The following INPP5F variants were observed in gnomAD, a reference collection of about 807,000 sequenced individuals.
The protein encoded by INPP5F is inositol polyphosphate-5-phosphatase F.
In INPP5F, 97 loss-of-function variants were observed where a neutral mutation model predicts 137.2. The ratio of observed to expected loss-of-function variants is 0.71; its 90% CI spans 0.60 to 0.84. The LOEUF (loss-of-function observed/expected upper bound fraction) is 0.84. INPP5F is among the 40% of genes least tolerant of loss of function. The probability of loss-of-function intolerance (pLI) is 0.00; values close to 1 mark genes in which losing one functional copy is unlikely to be tolerated. For missense variants in INPP5F, 1,271 were observed against 1,371.9 expected (o/e 0.93, Z 1.16); for synonymous variants, 504 against 476.9 (o/e 1.06, Z -0.74).
At position 119,792,205 on chromosome 10, in the gene INPP5F, G is replaced by A. The variant is rs1850172014; in HGVS notation, c.661G>A (p.Glu221Lys). ...TAAATACATGATACAAGATCTTACT[G>A]AGATTGGTGTGAGTAGTTGTTTCTA... ...WNKYMIQDLTEIGTPDVDFWI... is the reference protein window; with the variant it reads ...WNKYMIQDLTKIGTPDVDFWI... The change falls in exon 6 of 20, where the codon GAG (glutamate) becomes AAG (lysine). Residue 221 changes from glutamate (E) to lysine (K), a missense_variant. Physicochemically the swap from Glu to Lys is moderately conservative, Grantham distance 56 (BLOSUM62 1). Coordinates refer to ENST00000650623, the MANE Select transcript of INPP5F (RefSeq NM_014937.4). The A allele has an allele frequency of 6.2e-7, 1 of 1,611,714 alleles. No homozygotes were observed. Among genetic ancestry groups the A allele is most frequent in the Non-Finnish European group, 8.5e-7 (1 of 1,177,864 alleles).
chr10:119,806,950 T>C (rs1257184722), intron 12 of INPP5F, among the ~76,000 whole-genome samples: 3 of 151,970 alleles, frequency 2.0e-5, no homozygotes, highest in Non-Finnish European at 4.4e-5. Context: ...GTGCCTCCTA[T>C]TGGCAGATCC....
chr10:119,745,667 T>G (rs1348703636), intron 1 of INPP5F, among the ~76,000 whole-genome samples: 1 of 151,362 alleles, frequency 6.6e-6, no homozygotes, highest in African/African-American at 2.4e-5. Flanking sequence ...ATTATCTGCT[T>G]GCCATGGTCT....
At chr10:119,776,009 A>C (rs1436650030) in intron 2 of INPP5F, among the ~76,000 whole-genome samples, 2 of 152,186 alleles carry the variant, frequency 1.3e-5, no homozygotes, top group Non-Finnish European at 2.9e-5. Flanking sequence ...ACAAATTGTT[A>C]ATCCTCATAG....
chr10:119,788,230 C>T (rs1172820885), intron 3 of INPP5F, among the ~76,000 whole-genome samples: 1 of 152,042 alleles, frequency 6.6e-6, no homozygotes, highest in Admixed American at 6.6e-5. Context: ...TCTAGTGTGT[C>T]TCAGTGTGGG....
At chr10:119,792,559 T>C (rs538271555) in intron 6 of INPP5F, among the ~76,000 whole-genome samples, 35 of 149,842 alleles carry the variant, frequency 2.3e-4, no homozygotes, top group Non-Finnish European at 4.4e-4. Flanking sequence ...TTTCCTGAAA[T>C]GGTACCAGTT....
intron 15 of INPP5F, among the ~76,000 whole-genome samples, chr10:119,820,604 T>A (rs1277670047): frequency 6.6e-6 from 1 of 152,192 alleles, no homozygotes; most frequent in Non-Finnish European, 1.5e-5. Flanking sequence ...CCTTCCTCCT[T>A]TGGCTGCCTT....
intron 2 of INPP5F, among the ~76,000 whole-genome samples, chr10:119,760,833 G>A (rs183613925): frequency 3.3e-5 from 5 of 152,274 alleles, no homozygotes; most frequent in African/African-American, 1.2e-4. Context: ...TTATCTTTAT[G>A]ATGATTAACT....
rs1351982401 is a variant in INPP5F, at chr10:119,735,270, TTTAAG to T, written c.97+8915_97+8919del. Among the ~76,000 whole-genome samples, 4 of 152,328 alleles carry T rather than the reference TTTAAG, an allele frequency of 2.6e-5. No homozygotes were observed. The East Asian group carries it at 5.8e-4, about 22-fold the overall frequency. On this transcript the variant is annotated intron_variant, in intron 1 of 19. Transcript: ENST00000650623. Reference sequence around the variant, plus strand: ...TCAGTGTTCCCTGATATTTTTTTCTTTTAAGTTATTTTATTTTAATTTCAGTTTCC... The same window carrying T: ...TCAGTGTTCCCTGATATTTTTTTCTTTTATTTTATTTTAATTTCAGTTTCC...
intron 1 of INPP5F, among the ~76,000 whole-genome samples, chr10:119,742,156 T>C (rs1458214832): frequency 6.7e-6 from 1 of 149,582 alleles, no homozygotes; most frequent in South Asian, 2.1e-4. Flanking sequence ...ATTTTACTTA[T>C]TTATTTATTT....
intron 11 of INPP5F, 87 bp from the exon 12 acceptor site, chr10:119,806,273 G>C: frequency 1.0e-6 from 1 of 967,242 alleles, no homozygotes; most frequent in East Asian, 2.7e-5. Flanking sequence ...CAGTGCTGCT[G>C]TTTTATTGAT....
chr10:119,791,408 T>C (rs764817869), intron 3 of INPP5F, 109 bp from the exon 4 acceptor site: 117 of 827,294 alleles, frequency 1.4e-4, no homozygotes, highest in Non-Finnish European at 2.2e-4. Context: ...TTCTAACTCT[T>C]GAAGTTTACT....
intron 2 of INPP5F, among the ~76,000 whole-genome samples, chr10:119,763,154 C>T (rs998831756): frequency 2.6e-5 from 4 of 152,164 alleles, no homozygotes; most frequent in African/African-American, 4.8e-5. Flanking sequence ...CTAGTAAGTC[C>T]AAACTATAAG....
At chr10:119,743,529 C>T (rs1163533922) in intron 1 of INPP5F, among the ~76,000 whole-genome samples, 2 of 151,916 alleles carry the variant, frequency 1.3e-5, no homozygotes, top group East Asian at 1.9e-4. Flanking sequence ...GGAATGTGTC[C>T]GGGAAGAGGA....
intron 2 of INPP5F, among the ~76,000 whole-genome samples, chr10:119,770,349 T>G (rs1180725352): frequency 6.6e-6 from 1 of 152,236 alleles, no homozygotes; most frequent in Non-Finnish European, 1.5e-5. Context: ...ACCAAGTTTC[T>G]TTTCCTGGTG....
rs1048314675 is a variant in INPP5F at position 119,827,391 on chromosome 10, A to G, written c.3010A>G (p.Thr1004Ala). ...QVSNETQSESTEQTPSRPSQL... is the reference protein window; with the variant it reads ...QVSNETQSESAEQTPSRPSQL... ...TTCAAATGAAACCCAATCAGAATCA[A>G]CAGAACAGACACCTTCTCGGCCATC... The change falls in exon 20 of 20, where the codon ACA becomes GCA. Residue 1004 changes from threonine (T) to alanine (A), a missense_variant. Physicochemically the swap from Thr to Ala is moderately conservative, Grantham distance 58 (BLOSUM62 0). This residue lies in a region of INPP5F where 490 missense variants were observed against 443.7 expected (regional missense o/e 1.10). Coordinates refer to ENST00000650623, the MANE Select transcript of INPP5F (RefSeq NM_014937.4). 6 of 1,614,192 alleles carry G rather than the reference A, an allele frequency of 3.7e-6. No individual in the cohort carries two copies. The highest frequency in any genetic ancestry group is 5.1e-6 in the Non-Finnish European group (6 of 1,180,024).
At chr10:119,742,465 CT>C (rs979576492) in intron 1 of INPP5F, among the ~76,000 whole-genome samples, 4 of 152,140 alleles carry the variant, frequency 2.6e-5, no homozygotes, top group East Asian at 1.9e-4. Flanking sequence ...CAGACAACAG[CT>C]TTTTAAATGA....
At position 119,726,054 on chromosome 10, in the gene INPP5F, G is replaced by A. The variant is rs573319584; in HGVS notation, c.-209G>A. On this transcript the variant is annotated 5_prime_UTR_variant, in exon 1 of 20. Coordinates refer to ENST00000650623, the MANE Select transcript of INPP5F (RefSeq NM_014937.4). Reference sequence around the variant, plus strand: ...GGGAAGGGGAGGAGCGGGGGGGAGAGGCCTCTACGGCCGCCGCTGCCGCCG... The same window carrying A: ...GGGAAGGGGAGGAGCGGGGGGGAGAAGCCTCTACGGCCGCCGCTGCCGCCG... 192 of 359,932 alleles carry A rather than the reference G, an allele frequency of 5.3e-4. 1 individual carries two copies. Among genetic ancestry groups the A allele is most frequent in the Non-Finnish European group, 4.8e-4 (96 of 201,898 alleles). 22.3% of individuals were successfully genotyped at this position (359,932 alleles called of 1,614,324 possible).
At chr10:119,811,461 A>G (rs536448809) in intron 14 of INPP5F, among the ~76,000 whole-genome samples, 35 of 152,298 alleles carry the variant, frequency 2.3e-4, no homozygotes, top group African/African-American at 7.0e-4. Context: ...TATACCAGAT[A>G]GATGAATTGT....
In INPP5F at chr10:119,806,437, A is replaced by G. The variant is rs781157480; in HGVS notation, c.1397A>G (p.Asn466Ser). Residue 466 changes from asparagine to serine, a missense_variant, in exon 12 of 20, where the codon AAC (asparagine) becomes AGC (serine). Asn to Ser is a conservative substitution (Grantham distance 46). Around this residue, in one of 6 missense-constraint regions of INPP5F, gnomAD observed 593 missense variants for 712.4 expected, o/e 0.83. Transcript: ENST00000650623. ...VNCMDCLDRTNVVQAAIARVV... is the reference protein window; with the variant it reads ...VNCMDCLDRTSVVQAAIARVV... The stretch of plus-strand genomic sequence containing the variant: ...TGTATGGACTGCCTGGATCGCACCA[A>G]CGTGGTCCAAGCTGCCATCGCGAGA... The G allele has an allele frequency of 1.9e-6, 3 of 1,610,074 alleles. No individual in the cohort carries two copies. The highest frequency in any genetic ancestry group is 1.3e-5 in the African/African-American group (1 of 74,864).
Sources: gnomAD v4.1 joint callset for allele counts (sites outside exome capture counted in the v4.1 genomes callset) on GRCh38, gnomAD v4.1.1 for gene constraint, gnomAD v4.1.1 regional missense constraint, MANE v1.5 for transcripts, NCBI Gene and HGNC (gene_info 2026-07-23, HGNC 2026-07-21) for gene names.